ODAD4: variants seen among roughly 807,000 people sequenced by gnomAD.
The protein encoded by ODAD4 is outer dynein arm-docking complex subunit 4.
ODAD4 carries 49 observed loss-of-function variants against 51.8 expected under a neutral mutation model. The ratio of observed to expected loss-of-function variants is 0.95; its 90% CI spans 0.75 to 1.20. ODAD4 has a LOEUF of 1.20. ODAD4 is among the 50% of genes most tolerant of loss of function. ODAD4 has a pLI of 0.00. For missense variants in ODAD4, 590 were observed against 586.5 expected (o/e 1.01, Z -0.06); for synonymous variants, 235 against 221.3 (o/e 1.06, Z -0.55).
intron 10 of ODAD4, among the ~76,000 whole-genome samples, chr17:41,956,202 C>G (rs1392583299): frequency 6.6e-6 from 1 of 151,898 alleles, no homozygotes; most frequent in Non-Finnish European, 1.5e-5. Flanking sequence ...CGCCCCCCCA[C>G]CACGCCCAGC....
At chr17:41,940,796 G>C (rs1456890301) in intron 7 of ODAD4, among the ~76,000 whole-genome samples, 1 of 152,204 alleles carries the variant, frequency 6.6e-6, no homozygotes, top group Admixed American at 6.5e-5. Context: ...TTTACTTCTC[G>C]CCAGACCTCT....
At chr17:41,931,627 G>A (rs1411950272) in intron 1 of ODAD4, among the ~76,000 whole-genome samples, 2 of 151,230 alleles carry the variant, frequency 1.3e-5, no homozygotes, top group African/African-American at 4.9e-5. Context: ...TGCAACTTCC[G>A]CCTCCCCAGG....
intron 10 of ODAD4, among the ~76,000 whole-genome samples, chr17:41,960,875 C>T (rs1178896847): frequency 2.6e-5 from 4 of 152,170 alleles, no homozygotes; most frequent in African/African-American, 9.7e-5. Context: ...GCAAGACCTG[C>T]CCTCCAGAGG....
chr17:41,956,227 T>C (rs539338962), intron 10 of ODAD4, among the ~76,000 whole-genome samples: 1 of 151,796 alleles, frequency 6.6e-6, no homozygotes, highest in East Asian at 1.9e-4. Flanking sequence ...TTTTGTATTT[T>C]TAGTAGAGAT....
At chr17:41,936,734 T>TCTGCTCCTTG (rs2050433380) in intron 4 of ODAD4, 28 bp from the exon 5 acceptor site, 3 of 1,612,516 alleles carry the variant, frequency 1.9e-6, no homozygotes, top group Non-Finnish European at 2.5e-6. Context: ...TTGCTGAAGC[T>TCTGCTCCTTG]CTGTTGGGTG....
intron 1 of ODAD4, among the ~76,000 whole-genome samples, chr17:41,932,089 G>T (rs1223438377): frequency 3.3e-5 from 5 of 151,800 alleles, no homozygotes; most frequent in African/African-American, 1.2e-4. Flanking sequence ...TTGTTGTTAA[G>T]ATGGAGTTTT....
At chr17:41,945,368 C>G in intron 8 of ODAD4, 146 bp downstream of exon 8, 9 of 637,854 alleles carry the variant, frequency 1.4e-5, no homozygotes, top group Non-Finnish European at 2.2e-5. Flanking sequence ...AAAAATTAGC[C>G]GCGCATACTG....
At position 41,931,677 on chromosome 17, in the gene ODAD4, G is replaced by T. The variant is rs113164607; in HGVS notation, c.114+840G>T. 1.8e-4 allele frequency among the ~76,000 whole-genome samples: 28 copies of T among 151,892 alleles called. 1 individual carries two copies. Among genetic ancestry groups the T allele is most frequent in the African/African-American group, 6.3e-4 (26 of 41,416 alleles). The stretch of plus-strand genomic sequence containing the variant: ...CTGCCTCAGCCTAGGGAGTAGTTGG[G>T]ATTACAGGCATGTCCCACCACGCCT... On this transcript the variant is annotated intron_variant, in intron 1 of 11. Coordinates refer to ENST00000377540, the MANE Select transcript of ODAD4 (RefSeq NM_031421.5).
At chr17:41,946,345 A>T (rs1407720482) in intron 8 of ODAD4, among the ~76,000 whole-genome samples, 1 of 152,192 alleles carries the variant, frequency 6.6e-6, no homozygotes, top group African/African-American at 2.4e-5. Flanking sequence ...GTTTGTTTTG[A>T]GACGGAGTCT....
intron 10 of ODAD4, among the ~76,000 whole-genome samples, chr17:41,957,568 C>T (rs1598090458): frequency 6.6e-6 from 1 of 152,172 alleles, no homozygotes; most frequent in South Asian, 2.1e-4. Flanking sequence ...CTCCAGGAGA[C>T]AAGAAATCTA....
chr17:41,936,702 A>G (rs2050432811), intron 4 of ODAD4, 60 bp from the exon 5 acceptor site: 1 of 1,598,032 alleles, frequency 6.3e-7, no homozygotes, highest in South Asian at 1.1e-5. Context: ...CCCTAGGGCC[A>G]TGGCTGGGTA....
At chr17:41,945,324 T>A in intron 8 of ODAD4, 102 bp downstream of exon 8, 4 of 669,348 alleles carry the variant, frequency 6.0e-6, no homozygotes, top group Admixed American at 3.3e-5. Flanking sequence ...CTGGGCAACA[T>A]AGGAAGACTC....
chr17:41,962,834 A>G lies in ODAD4; in HGVS notation c.1528+1368A>G, dbSNP rs566250233. Among the ~76,000 whole-genome samples the G allele has an allele frequency of 1.8e-4, 28 of 152,354 alleles. No individual in the cohort carries two copies. In the South Asian group the frequency reaches 3.1e-3, roughly 17 times the overall value. On this transcript the variant is annotated intron_variant, in intron 11 of 11. Transcript: ENST00000377540. ...TGGAGGTCCGGGAGGACAGAGCCCA[A>G]TGCAGATTCTTGGCTGCAGCCCTCC...
At chr17:41,955,035 A>G in intron 9 of ODAD4, 182 bp from the exon 10 acceptor site, 1 of 702,214 alleles carries the variant, frequency 1.4e-6, no homozygotes. Flanking sequence ...GACATAGCCC[A>G]GGAACACGGT....
intron 10 of ODAD4, among the ~76,000 whole-genome samples, chr17:41,960,593 C>T (rs780654140): frequency 6.6e-6 from 1 of 152,222 alleles, no homozygotes; most frequent in Non-Finnish European, 1.5e-5. Flanking sequence ...GATCTGAGGT[C>T]ACCTTGAAGG....
intron 7 of ODAD4, among the ~76,000 whole-genome samples, chr17:41,939,831 G>A (rs12936531): frequency 0.1 from 15,755 of 152,162 alleles, 1,012 homozygotes; most frequent in Non-Finnish European, 0.14. Flanking sequence ...GAGTCAGGCA[G>A]ACCTAGGCTG....
rs368731263 is a variant in ODAD4, at chr17:41,936,826, C to T, written c.524C>T (p.Pro175Leu). The T allele has an allele frequency of 5.5e-5, 89 of 1,613,826 alleles. No homozygotes were observed. Among genetic ancestry groups the T allele is most frequent in the Non-Finnish European group, 7.2e-5 (85 of 1,179,904 alleles). Residue 175 changes from proline to leucine, a missense_variant, in exon 5 of 12, where the codon CCC becomes CTC. Physicochemically the swap from Pro to Leu is moderately conservative, Grantham distance 98. Transcript: ENST00000377540. ...KHLLHPTKGE[P>L]KWKASLKSEK... Reference sequence around the variant, plus strand: ...CTCTTACACCCCACCAAGGGAGAGCCCAAGTGGAAGGCCTCGCTCAAGAGT... The same window carrying T: ...CTCTTACACCCCACCAAGGGAGAGCTCAAGTGGAAGGCCTCGCTCAAGAGT...
In ODAD4 at chr17:41,936,839, C is replaced by T; in HGVS notation, c.537C>T (p.Ala179=). Residue 179 remains alanine (A), a synonymous_variant, in exon 5 of 12, where the codon GCC becomes GCT. Transcript: ENST00000377540. ...CCAAGGGAGAGCCCAAGTGGAAGGC[C>T]TCGCTCAAGAGTGAGAAGACTGTCC... ...HPTKGEPKWK[A]SLKSEKTVRQ... 6.2e-7 allele frequency: 1 copy of T among 1,613,982 alleles called. No homozygotes were observed. Among genetic ancestry groups the T allele is most frequent in the Non-Finnish European group, 8.5e-7 (1 of 1,179,906 alleles).
Position 41,935,253 on chromosome 17 carries a change from G to A in ODAD4, c.151G>A (p.Val51Ile), listed in dbSNP as rs782550495. ...TCAGGATGGAGACAAGAACTGCCTG[G>A]TTGCTCGCTCAAAGTGCTTCCTGAA... Reference protein sequence around the residue: ...YLQDGDKNCLVARSKCFLKMG... With the variant: ...YLQDGDKNCLIARSKCFLKMG... The change falls in exon 2 of 12, where the codon GTT (valine) becomes ATT (isoleucine). Residue 51 changes from valine (V) to isoleucine (I), a missense_variant. Val to Ile is a conservative substitution (Grantham distance 29). Transcript: ENST00000377540. The A allele has an allele frequency of 6.2e-7, 1 of 1,613,962 alleles. No individual in the cohort carries two copies. The highest frequency in any genetic ancestry group is 8.5e-7 in the Non-Finnish European group (1 of 1,179,886).
Sources: allele counts gnomAD v4.1 joint callset (sites outside exome capture counted in the v4.1 genomes callset), GRCh38; gene constraint gnomAD v4.1.1; transcripts MANE v1.5; gene names NCBI Gene and HGNC (gene_info 2026-07-23, HGNC 2026-07-21).